ZNF829: variants seen among roughly 807,000 people sequenced by gnomAD.
ZNF829 encodes the protein zinc finger protein 829.
Under a neutral mutation model 35.2 loss-of-function variants are expected in ZNF829, and 25 were observed. The observed-to-expected ratio is 0.71, with a 90% CI of 0.52 to 0.99. The LOEUF (loss-of-function observed/expected upper bound fraction) is 0.99, where lower values mean the gene tolerates loss of function less well. ZNF829 is among the 50% of genes least tolerant of loss of function. The pLI is 0.00. For synonymous variants in ZNF829, 136 were observed against 163.2 expected, an observed-to-expected ratio of 0.83 and a Z score of 1.27; for missense variants, 417 against 515.3, an observed-to-expected ratio of 0.81 and a Z score of 1.85.
chr19:36,915,051 A>C, intron 2 of ZNF829, 29 bp from the exon 3 acceptor site: 1 of 1,614,124 alleles, frequency 6.2e-7, no homozygotes, highest in Non-Finnish European at 8.5e-7. Context: ...GGGAGAGGGA[A>C]GAGTAACTGT....
At chr19:36,900,357 TAA>T (rs112232974) in intron 5 of ZNF829, among the ~76,000 whole-genome samples, 34 of 132,306 alleles carry the variant, frequency 2.6e-4, no homozygotes, top group Non-Finnish European at 3.1e-4. Flanking sequence ...GACTCTGTCT[TAA>T]AAAAAAAAAA....
At chr19:36,897,244 C>CACA (rs576783964) in intron 5 of ZNF829, among the ~76,000 whole-genome samples, 3 of 152,066 alleles carry the variant, frequency 2.0e-5, no homozygotes, top group South Asian at 2.1e-4. Context: ...CAGAGAAGGA[C>CACA]ACAACAACAA....
intron 5 of ZNF829, chr19:36,901,853 T>C: frequency 2.7e-6 from 2 of 748,066 alleles, no homozygotes; most frequent in South Asian, 1.4e-5. Context: ...TGGAGTGGGC[T>C]TCAAGAAGCG....
rs1362051184 is a variant in ZNF829 at position 36,891,392 on chromosome 19, A to G, written c.*100T>C. The G allele has an allele frequency of 4.0e-6, 5 of 1,249,084 alleles. No individual in the cohort carries two copies. The highest frequency in any genetic ancestry group is 2.0e-5 in the South Asian group (1 of 50,408). The allele number at this position is 1,249,084 out of a possible 1,614,324, so 77.4% of individuals were successfully genotyped here. A position where few individuals can be genotyped will look rare whatever the true frequency, so the allele number is the denominator to read the frequency against. ...TATCGTATCGTTTAAAAACGAATAC[A>G]TAGGAGAACCTTTGATAATATGTAT... On this transcript the variant is annotated 3_prime_UTR_variant, in exon 6 of 6. Transcript: ENST00000391711.
intron 5 of ZNF829, 101 bp downstream of exon 5, chr19:36,907,828 T>A: frequency 1.0e-6 from 1 of 973,012 alleles, no homozygotes; most frequent in Admixed American, 2.8e-5. Flanking sequence ...TGGGATAGCT[T>A]ATATGGAAGA....
chr19:36,893,182 C>G, intron 5 of ZNF829: 4 of 392,614 alleles, frequency 1.0e-5, no homozygotes, highest in Non-Finnish European at 1.8e-5. Context: ...TGGCAAATCA[C>G]CAGCCTCCGA....
At chr19:36,910,127 C>T (rs1432323859) in intron 3 of ZNF829, among the ~76,000 whole-genome samples, 1 of 151,490 alleles carries the variant, frequency 6.6e-6, no homozygotes, top group Non-Finnish European at 1.5e-5. Context: ...TCTTGTTGCC[C>T]AGGTTGGAGT....
At chr19:36,906,056 C>T (rs963717397) in intron 5 of ZNF829, 1 of 152,122 alleles carries the variant, frequency 6.6e-6, no homozygotes, top group Non-Finnish European at 1.5e-5. Flanking sequence ...TGAAATTTGA[C>T]CCCTACCTCA....
At chr19:36,897,616 C>T (rs1408816493) in intron 5 of ZNF829, among the ~76,000 whole-genome samples, 28 of 152,130 alleles carry the variant, frequency 1.8e-4, no homozygotes, top group Admixed American at 1.8e-3. Flanking sequence ...AAGCCGAAAG[C>T]TTTTCCTCTA....
At chr19:36,910,395 A>T (rs1419834354) in intron 3 of ZNF829, among the ~76,000 whole-genome samples, 3 of 152,118 alleles carry the variant, frequency 2.0e-5, no homozygotes, top group African/African-American at 7.2e-5. Context: ...CATTTCTTGA[A>T]TTTTTAAAAT....
intron 5 of ZNF829, among the ~76,000 whole-genome samples, chr19:36,903,015 G>A (rs531268429): frequency 9.2e-5 from 14 of 152,222 alleles, no homozygotes; most frequent in East Asian, 3.9e-4. Flanking sequence ...CAGCCTGGGC[G>A]ACAGAGCGAA....
At chr19:36,911,872 A>G (rs915806384) in intron 3 of ZNF829, among the ~76,000 whole-genome samples, 3 of 152,236 alleles carry the variant, frequency 2.0e-5, no homozygotes, top group African/African-American at 4.8e-5. Context: ...GACAGATGTC[A>G]TAAGTAGCCA....
rs532772633 is a variant in ZNF829 at position 36,896,223 on chromosome 19, A to G, written c.320-3752T>C. 5.9e-4 allele frequency among the ~76,000 whole-genome samples: 90 copies of G among 152,042 alleles called. 1 individual carries two copies. In the Middle Eastern group the frequency reaches 0.01, roughly 17 times the overall value. ...CTACTCGGGAGGCTGAGGCAGGAGA[A>G]TGGTGTGAACCTGGGAGACGGAGCC... On this transcript the variant is annotated intron_variant, in intron 5 of 5. Coordinates refer to ENST00000391711, the MANE Select transcript of ZNF829 (RefSeq NM_001037232.4).
In ZNF829 at chr19:36,892,257, AT is replaced by A; in HGVS notation, c.533del (p.His178LeufsTer110). ...NSQFIQHQRI[H>X]FGEKHYESKE... ...TAGATTCATAGTGTTTTTCACCAAA[AT>A]GAATTCTCTGATGTTGGATAAATTG... On this transcript the variant is annotated frameshift_variant, in exon 6 of 6. Coordinates refer to ENST00000391711, the MANE Select transcript of ZNF829 (RefSeq NM_001037232.4). LOFTEE classifies it high-confidence loss of function. The A allele has an allele frequency of 6.2e-7, 1 of 1,614,046 alleles. No homozygotes were observed. The highest frequency in any genetic ancestry group is 1.3e-5 in the African/African-American group (1 of 75,070).
intron 1 of ZNF829, among the ~76,000 whole-genome samples, chr19:36,915,638 G>C (rs962305008): frequency 6.6e-6 from 1 of 151,940 alleles, no homozygotes; most frequent in Admixed American, 6.6e-5. Context: ...TTGCCCTGTC[G>C]CCAGGCTGGA....
rs1262194847 is a variant in ZNF829, at chr19:36,890,006, C to T, written c.*1486G>A. On this transcript the variant is annotated 3_prime_UTR_variant, in exon 6 of 6. Coordinates refer to ENST00000391711, the MANE Select transcript of ZNF829 (RefSeq NM_001037232.4). ...TATTTCAAAAAATTTTAAATTTCCA[C>T]CTTAGTTTCATCATTGATCCAAAAA... is the stretch of plus-strand genomic sequence containing the variant. The T allele has an allele frequency of 6.6e-6, 1 of 152,062 alleles. No homozygotes were observed. Among genetic ancestry groups the T allele is most frequent in the Non-Finnish European group, 1.5e-5 (1 of 68,004 alleles). The allele number at this position is 152,062 out of a possible 1,614,324, so 9.4% of individuals were successfully genotyped here.
intron 5 of ZNF829, among the ~76,000 whole-genome samples, chr19:36,902,848 C>T (rs1315322083): frequency 1.3e-5 from 2 of 151,988 alleles, no homozygotes; most frequent in Non-Finnish European, 2.9e-5. Context: ...CCAACCTGGG[C>T]AACATGGTGA....
chr19:36,915,292 G>A, intron 1 of ZNF829, 41 bp from the exon 2 acceptor site: 2 of 1,570,180 alleles, frequency 1.3e-6, no homozygotes. Flanking sequence ...ATAGTTGACA[G>A]GACCCCATAC....
intron 5 of ZNF829, among the ~76,000 whole-genome samples, chr19:36,904,691 G>A (rs1322389955): frequency 1.3e-5 from 2 of 152,024 alleles, no homozygotes; most frequent in African/African-American, 2.4e-5. Flanking sequence ...GAGCCACCGC[G>A]CCTGGTCTGG....
Sources: gnomAD v4.1 joint callset for allele counts (sites outside exome capture counted in the v4.1 genomes callset) on GRCh38, gnomAD v4.1.1 for gene constraint, MANE v1.5 for transcripts, NCBI Gene and HGNC (gene_info 2026-07-23, HGNC 2026-07-21) for gene names.